Variants in ARHGEF1 observed in about 807,000 individuals in gnomAD.
ARHGEF1 encodes the protein Rho guanine nucleotide exchange factor 1.
In ARHGEF1, 40 loss-of-function variants were observed where a neutral mutation model predicts 119.7. The observed-to-expected ratio is 0.33, with a 90% confidence interval of 0.26 to 0.44. The LOEUF (loss-of-function observed/expected upper bound fraction) is 0.44. Among genes scored for constraint, ARHGEF1 ranks in the 20% least tolerant of loss-of-function variants. ARHGEF1 has a pLI of 1.00. For synonymous variants in ARHGEF1, 494 were observed against 521.0 expected, an observed-to-expected ratio of 0.95 and a Z score of 0.71; for missense variants, 976 against 1,268.3, an observed-to-expected ratio of 0.77 and a Z score of 3.50.
upstream of ARHGEF1, among the ~76,000 whole-genome samples, chr19:41,922,795 A>ATGGGATGAGAGCAATAAATTAT (rs1298759410): frequency 6.6e-6 from 1 of 152,180 alleles, no homozygotes; most frequent in African/African-American, 2.4e-5. Context: ...CATCGATCAG[A>ATGGGATGAGAGCAATAAATTAT]TGGGATGAGA....
upstream of ARHGEF1, among the ~76,000 whole-genome samples, chr19:41,921,174 T>A (rs1188943789): frequency 1.4e-5 from 2 of 145,460 alleles, no homozygotes; most frequent in African/African-American, 5.2e-5. The surrounding 1 kb of genome is among the most constrained non-coding windows in gnomAD (Gnocchi z 4.4). Flanking sequence ...CGGAGGGAGG[T>A]CTGGCTGCTC....
At chr19:41,901,453 T>C (rs1422815994) in intron 14 of ARHGEF1, among the ~76,000 whole-genome samples, 3 of 152,126 alleles carry the variant, frequency 2.0e-5, no homozygotes, top group Non-Finnish European at 4.4e-5. Context: ...CCCAGCCATT[T>C]TGTTTTGAGA....
rs1462435172 is a variant in ARHGEF1, at chr19:41,907,283, C to T, written c.*196C>T. 1.3e-6 allele frequency: 2 copies of T among 1,530,666 alleles called. No individual in the cohort carries two copies. Among genetic ancestry groups the T allele is most frequent in the Non-Finnish European group, 1.7e-6 (2 of 1,144,126 alleles). 94.8% of individuals were successfully genotyped at this position (1,530,666 alleles called of 1,614,324 possible). On this transcript the variant is annotated 3_prime_UTR_variant, in exon 29 of 29. Coordinates refer to ENST00000354532, the MANE Select transcript of ARHGEF1 (RefSeq NM_004706.4). ...GAGCCTCGGCCATCTCTCCCTCCTG[C>T]CCTCTGCTTGGGGGACTCAGGGCTC...
intron 1 of ARHGEF1, among the ~76,000 whole-genome samples, chr19:41,925,743 C>G (rs1449304347): frequency 6.6e-6 from 1 of 152,004 alleles, no homozygotes; most frequent in Non-Finnish European, 1.5e-5. Flanking sequence ...GTCAGTGTAC[C>G]TTGGAAGTCA....
Position 41,905,426 on chromosome 19 carries a change from C to A in ARHGEF1, c.2336+165C>A. ...GTACGCAAGTATGTGACTGTGCGTG[C>A]ATATATAGTGTGTGTATGCATGCAT... On this transcript the variant is annotated intron_variant, in intron 24 of 28. Coordinates refer to ENST00000354532, the MANE Select transcript of ARHGEF1 (RefSeq NM_004706.4). The surrounding 1 kb of genome is among the most constrained non-coding windows in gnomAD (Gnocchi z 6.4). 1 of 661,450 alleles carries A rather than the reference C, an allele frequency of 1.5e-6. No individual in the cohort carries two copies. Among genetic ancestry groups the A allele is most frequent in the Non-Finnish European group, 2.6e-6 (1 of 389,786 alleles). The allele number at this position is 661,450 out of a possible 1,614,324, so 41.0% of individuals were successfully genotyped here.
chr19:41,895,455 T>C lies in ARHGEF1; in HGVS notation c.984T>C (p.Pro328=). The change falls in exon 12 of 29, where the codon CCT becomes CCC. Residue 328 remains proline, a synonymous_variant. Transcript: ENST00000354532. ...ACACCCCTGGAGTCTCTCTGCACCC[T>C]CTGTCCCTGGACAGCCCAGACCGGG... ...GQDTPGVSLH[P]LSLDSPDREP... is the part of the protein sequence containing the mutation. 1 of 1,611,406 alleles carries C rather than the reference T, an allele frequency of 6.2e-7. No homozygotes were observed. Among genetic ancestry groups the C allele is most frequent in the Non-Finnish European group, 8.5e-7 (1 of 1,179,216 alleles).
Position 41,903,307 on chromosome 19 carries a change from A to G in ARHGEF1, c.1739A>G (p.Glu580Gly). The G allele has an allele frequency of 6.2e-7, 1 of 1,613,820 alleles. No individual in the cohort carries two copies. The highest frequency in any genetic ancestry group is 8.5e-7 in the Non-Finnish European group (1 of 1,179,908). The change falls in exon 19 of 29, where the codon GAA becomes GGA. Residue 580 changes from glutamate to glycine, a missense_variant and splice_region_variant. By Grantham distance (98) the Glu-to-Gly change is moderately conservative. Around this residue, in one of 3 missense-constraint regions of ARHGEF1, gnomAD observed 286 missense variants for 506.8 expected, o/e 0.56. Transcript: ENST00000354532. The surrounding 1 kb of genome is among the most constrained non-coding windows in gnomAD (Gnocchi z 4.2). The stretch of plus-strand genomic sequence containing the variant: ...GAGCTGCTCTCTCCCTTGCCTGCAG[A>G]AGAGCCCACAGAACGGGAGAAAGTG... Reference protein sequence around the residue: ...LLLQSIGQNTEEPTEREKVEL... With the variant: ...LLLQSIGQNTGEPTEREKVEL...
At chr19:41,893,069 C>A in intron 7 of ARHGEF1, 1 of 1,005,928 alleles carries the variant, frequency 9.9e-7, no homozygotes, top group Non-Finnish European at 1.4e-6. Flanking sequence ...GGGTCTTGTC[C>A]ATGATCTGGC....
At chr19:41,915,232 AG>A (rs2074793402) in intron 18 of ARHGEF1, among the ~76,000 whole-genome samples, 1 of 145,106 alleles carries the variant, frequency 6.9e-6, no homozygotes, top group Non-Finnish European at 1.5e-5. Flanking sequence ...CGTTATAACG[AG>A]GAGCCGTGGG....
At chr19:41,909,671 C>T (rs1199367257), downstream of ARHGEF1, among the ~76,000 whole-genome samples, 5 of 152,136 alleles carry the variant, frequency 3.3e-5, no homozygotes, top group African/African-American at 1.2e-4. The surrounding 1 kb of genome is among the most constrained non-coding windows in gnomAD (Gnocchi z 5.2). Context: ...CCCTGCAAGA[C>T]TCCAAAGCCC....
exon 3 of ARHGEF1, chr19:41,929,729 G>T (rs556000948): frequency 6.5e-6 from 1 of 152,942 alleles, no homozygotes; most frequent in African/African-American, 2.4e-5. Flanking sequence ...AGCCCCTGGA[G>T]GCTTCTACCC....
At chr19:41,914,576 TCTC>T (rs1568831596) in intron 18 of ARHGEF1, among the ~76,000 whole-genome samples, 287 of 28,486 alleles carry the variant, frequency 0.01, 33 homozygotes, top group Non-Finnish European at 0.014. Context: ...TCTGTCTCCG[TCTC>T]TCCCTCCCTT....
intron 18 of ARHGEF1, chr19:41,912,761 A>T: frequency 2.3e-6 from 1 of 427,926 alleles, no homozygotes; most frequent in Non-Finnish European, 3.9e-6. Context: ...GACTAGAGTG[A>T]GACACGTGGA....
At position 41,889,391 on chromosome 19, in the gene ARHGEF1, A is replaced by T. The variant is rs1555845832; in HGVS notation, c.225+526A>T. The T allele has an allele frequency of 2.0e-5, 3 of 152,852 alleles. No individual in the cohort carries two copies. The highest frequency in any genetic ancestry group is 4.4e-5 in the Non-Finnish European group (3 of 68,442). 9.5% of individuals were successfully genotyped at this position (152,852 alleles called of 1,614,324 possible). On this transcript the variant is annotated intron_variant, in intron 4 of 28. Coordinates refer to ENST00000354532, the MANE Select transcript of ARHGEF1 (RefSeq NM_004706.4). This position sits in a 1 kb window ranked among gnomAD's most constrained non-coding sequence, Gnocchi z 4.0. The stretch of plus-strand genomic sequence containing the variant: ...ACACACAGCTCACAAGGCAGACCAC[A>T]CAATTGTGGATCCAGAAGCCTCCGG...
chr19:41,902,397 T>C lies in ARHGEF1; in HGVS notation c.1497+41T>C. ...CTCCCGCTCCTCCCAGCTAGACACA[T>C]GGAATTCAGGCCCGGGACGGGTCCT... is the stretch of plus-strand genomic sequence containing the variant. On this transcript the variant is annotated intron_variant, in intron 16 of 28. Coordinates refer to ENST00000354532, the MANE Select transcript of ARHGEF1 (RefSeq NM_004706.4). The surrounding 1 kb of genome is among the most constrained non-coding windows in gnomAD (Gnocchi z 6.5). The C allele has an allele frequency of 1.2e-6, 2 of 1,613,254 alleles. No homozygotes were observed. The highest frequency in any genetic ancestry group is 1.7e-6 in the Non-Finnish European group (2 of 1,179,620).
rs368033698 is a variant in ARHGEF1, at chr19:41,888,927, G to T, written c.225+62G>T. On this transcript the variant is annotated intron_variant, in intron 4 of 28. Coordinates refer to ENST00000354532, the MANE Select transcript of ARHGEF1 (RefSeq NM_004706.4). This position sits in a 1 kb window ranked among gnomAD's most constrained non-coding sequence, Gnocchi z 5.1. ...GGCTGGGACAGGCACAGCTTTTAGC[G>T]AATTAAACCAGCGAGCTAGTGCCTG... 16 of 1,426,528 alleles carry T rather than the reference G, an allele frequency of 1.1e-5. No homozygotes were observed. Among genetic ancestry groups the T allele is most frequent in the African/African-American group, 2.8e-5 (2 of 70,508 alleles). The allele number at this position is 1,426,528 out of a possible 1,614,324, so 88.4% of individuals were successfully genotyped here. A position where few individuals can be genotyped will look rare whatever the true frequency, so the allele number is the denominator to read the frequency against.
intron 14 of ARHGEF1, among the ~76,000 whole-genome samples, chr19:41,899,817 A>G (rs1287035021): frequency 1.3e-5 from 2 of 152,114 alleles, no homozygotes; most frequent in African/African-American, 4.8e-5. Context: ...ACTTGACTGA[A>G]AGCTTATTTA....
rs1555847125 is a variant in ARHGEF1, at chr19:41,894,612, C to G, written c.842-14C>G. 1.9e-6 allele frequency: 3 copies of G among 1,614,072 alleles called. No individual in the cohort carries two copies. The highest frequency in any genetic ancestry group is 2.5e-6 in the Non-Finnish European group (3 of 1,179,926). On this transcript the variant is annotated splice_polypyrimidine_tract_variant and intron_variant, in intron 10 of 28. Coordinates refer to ENST00000354532, the MANE Select transcript of ARHGEF1 (RefSeq NM_004706.4). ...AGCTGCTCCCACTCACTGTCTCATT[C>G]TCTCTCGTTTCAGTTCCAGATTTTC... is the stretch of plus-strand genomic sequence containing the variant.
Position 41,904,201 on chromosome 19 carries a change from C to T in ARHGEF1, c.1994-15C>T, listed in dbSNP as rs1825615587. 2 of 1,613,400 alleles carry T rather than the reference C, an allele frequency of 1.2e-6. No individual in the cohort carries two copies. The highest frequency in any genetic ancestry group is 1.7e-6 in the Non-Finnish European group (2 of 1,179,588). On this transcript the variant is annotated splice_polypyrimidine_tract_variant and intron_variant, in intron 21 of 28. Transcript: ENST00000354532. This position sits in a 1 kb window ranked among gnomAD's most constrained non-coding sequence, Gnocchi z 8.4. ...CGCGCGGGGGCACGCCGTGTGAGCACTGCTCGCCCCGTAGAGGTGCATGTG... is the reference window on the plus strand; with the variant it reads ...CGCGCGGGGGCACGCCGTGTGAGCATTGCTCGCCCCGTAGAGGTGCATGTG...
Sources: allele counts gnomAD v4.1 joint callset (sites outside exome capture counted in the v4.1 genomes callset), GRCh38; gene constraint gnomAD v4.1.1; regional missense constraint gnomAD v4.1.1; non-coding constraint Gnocchi (gnomAD v3.1); transcripts MANE v1.5; gene names NCBI Gene and HGNC (gene_info 2026-07-23, HGNC 2026-07-21).